Variants in RAB27A observed in about 807,000 individuals in gnomAD.
RAB27A encodes the protein ras-related protein Rab-27A.
A neutral mutation model predicts 20.8 loss-of-function variants in RAB27A; 17 were observed. The ratio of observed to expected loss-of-function variants is 0.82; its 90% CI spans 0.56 to 1.23. The LOEUF (loss-of-function observed/expected upper bound fraction) is 1.23, where lower values mean the gene tolerates loss of function less well. Ranked by LOEUF, RAB27A falls within the 50% of genes most tolerant of loss-of-function variation. The pLI, the probability that RAB27A is intolerant of heterozygous loss-of-function variation, is 0.00. For synonymous variants in RAB27A, 85 were observed against 92.8 expected (o/e 0.92, Z 0.48); for missense variants, 277 against 266.7 (o/e 1.04, Z -0.27).
chr15:55,307,892 T>C (rs983338184), intron 2 of RAB27A, among the ~76,000 whole-genome samples: 2 of 152,036 alleles, frequency 1.3e-5, no homozygotes, highest in African/African-American at 2.4e-5. Context: ...GATTTGGCTA[T>C]CTGATGGGTG....
intron 1 of RAB27A, among the ~76,000 whole-genome samples, chr15:55,287,560 C>G (rs1195470735): frequency 1.3e-5 from 2 of 151,958 alleles, no homozygotes; most frequent in Non-Finnish European, 2.9e-5. Flanking sequence ...CCAGCCTGAC[C>G]AACATGGAGA....
intron 2 of RAB27A, among the ~76,000 whole-genome samples, chr15:55,253,060 A>C (rs938296177): frequency 2.0e-5 from 3 of 151,602 alleles, no homozygotes; most frequent in Non-Finnish European, 4.4e-5. Context: ...TGAACCCAGG[A>C]GGCGGAGGTT....
chr15:55,293,106 G>T (rs919242959), upstream of RAB27A, among the ~76,000 whole-genome samples: 1 of 152,146 alleles, frequency 6.6e-6, no homozygotes, highest in African/African-American at 2.4e-5. Context: ...GGGCTTTTCT[G>T]ACACTGCTAC....
chr15:55,219,581 G>A (rs1305886612), intron 6 of RAB27A, among the ~76,000 whole-genome samples: 1 of 152,202 alleles, frequency 6.6e-6, no homozygotes, highest in Non-Finnish European at 1.5e-5. Flanking sequence ...CCAGTGTTCA[G>A]GTGATTGATT....
chr15:55,274,794 T>TTTTATATATA (rs1491185564), intron 1 of RAB27A, among the ~76,000 whole-genome samples: 18 of 52,150 alleles, frequency 3.5e-4, no homozygotes, highest in South Asian at 6.1e-4. Context: ...AATAAATAAA[T>TTTTATATATA]TATATATATA....
At chr15:55,272,057 C>T (rs1256391079) in intron 1 of RAB27A, among the ~76,000 whole-genome samples, 1 of 152,132 alleles carries the variant, frequency 6.6e-6, no homozygotes, top group East Asian at 1.9e-4. Flanking sequence ...TTTTAAATCC[C>T]AGATTAAAAT....
chr15:55,241,624 A>ATATATATATATATATATGTGTG lies in RAB27A; in HGVS notation c.-22-6669_-22-6668insCACACATATATATATATATATA, dbSNP rs377301086. Reference sequence around the variant, plus strand: ...TTTATATATATATATATATATATATATGTGTGTATATATATTTGTTTTTTT... The same window carrying ATATATATATATATATATGTGTG: ...TTTATATATATATATATATATATATATATATATATATATATATGTGTGTGTGTGTATATATATTTGTTTTTTT... On this transcript the variant is annotated intron_variant, in intron 2 of 6. Transcript: ENST00000336787. Among the ~76,000 whole-genome samples, 167 of 117,608 alleles carry ATATATATATATATATATGTGTG rather than the reference A, an allele frequency of 1.4e-3. 1 individual carries two copies. Among genetic ancestry groups the ATATATATATATATATATGTGTG allele is most frequent in the African/African-American group, 6.3e-3 (144 of 22,838 alleles). 77.2% of individuals were successfully genotyped at this position (117,608 alleles called of 152,430 possible). A position where few individuals can be genotyped will look rare whatever the true frequency, so the allele number is the denominator to read the frequency against.
intron 6 of RAB27A, among the ~76,000 whole-genome samples, chr15:55,207,537 A>T (rs1433315595): frequency 6.6e-6 from 1 of 152,358 alleles, no homozygotes; most frequent in African/African-American, 2.4e-5. Flanking sequence ...GTGCTGGAGC[A>T]GCACTATCCA....
At chr15:55,287,435 T>C (rs1208896857) in intron 1 of RAB27A, among the ~76,000 whole-genome samples, 2 of 152,132 alleles carry the variant, frequency 1.3e-5, no homozygotes, top group Admixed American at 6.5e-5. Context: ...ACAATAGAAA[T>C]TGAGAAGCTG....
At chr15:55,269,346 C>T (rs1258690875) in intron 2 of RAB27A, among the ~76,000 whole-genome samples, 1 of 152,152 alleles carries the variant, frequency 6.6e-6, no homozygotes, top group South Asian at 2.1e-4. Context: ...CATAACAATA[C>T]CCTTATCAAA....
chr15:55,236,996 T>A (rs1346311336), intron 2 of RAB27A, among the ~76,000 whole-genome samples: 1 of 151,956 alleles, frequency 6.6e-6, no homozygotes, highest in Non-Finnish European at 1.5e-5. Flanking sequence ...TCTCTCCGTT[T>A]CCCCCGCCAA....
intron 2 of RAB27A, among the ~76,000 whole-genome samples, chr15:55,308,644 TTCTA>T (rs1308962271): frequency 1.3e-5 from 2 of 152,212 alleles, no homozygotes; most frequent in African/African-American, 4.8e-5. Flanking sequence ...GACAGTTATG[TTCTA>T]TCTTTTCTTC....
chr15:55,259,271 GTTAT>G (rs1489824661), intron 2 of RAB27A, among the ~76,000 whole-genome samples: 2 of 150,290 alleles, frequency 1.3e-5, no homozygotes, highest in African/African-American at 4.9e-5. Flanking sequence ...CTTTTTTATA[GTTAT>G]TTATTTTATA....
At chr15:55,310,251 G>A (rs573905437) in intron 2 of RAB27A, among the ~76,000 whole-genome samples, 2 of 152,214 alleles carry the variant, frequency 1.3e-5, no homozygotes, top group Non-Finnish European at 2.9e-5. Flanking sequence ...GAGGACAGTT[G>A]TCCAGGACAG....
chr15:55,283,981 A>G (rs1437529076), intron 1 of RAB27A, among the ~76,000 whole-genome samples: 1 of 152,204 alleles, frequency 6.6e-6, no homozygotes, highest in Admixed American at 6.5e-5. Context: ...AAACTATAGC[A>G]AATAAGAATG....
At chr15:55,280,503 TTA>T (rs71297648) in intron 1 of RAB27A, among the ~76,000 whole-genome samples, 15,684 of 137,748 alleles carry the variant, frequency 0.11, 1,632 homozygotes, top group African/African-American at 0.32. Flanking sequence ...TGGGTATGGT[TTA>T]TATATATATA....
chr15:55,282,955 C>G (rs1224464082), intron 1 of RAB27A, among the ~76,000 whole-genome samples: 2 of 151,994 alleles, frequency 1.3e-5, no homozygotes, highest in African/African-American at 4.8e-5. Context: ...GAGCCCTACC[C>G]CACATTTACT....
At chr15:55,298,612 G>A (rs2054959356) in intron 2 of RAB27A, among the ~76,000 whole-genome samples, 1 of 152,158 alleles carries the variant, frequency 6.6e-6, no homozygotes, top group African/African-American at 2.4e-5. Context: ...CATCTTATCA[G>A]GAGACAGGGT....
chr15:55,213,061 A>G (rs917540856), intron 6 of RAB27A, among the ~76,000 whole-genome samples: 1 of 152,240 alleles, frequency 6.6e-6, no homozygotes, highest in Non-Finnish European at 1.5e-5. Context: ...GAAAGTCGTG[A>G]TAACATTGTA....
Sources: allele counts gnomAD v4.1 joint callset (sites outside exome capture counted in the v4.1 genomes callset), GRCh38; gene constraint gnomAD v4.1.1; transcripts MANE v1.5; gene names NCBI Gene and HGNC (gene_info 2026-07-23, HGNC 2026-07-21).